DCC: variants seen among roughly 807,000 people sequenced by gnomAD.
DCC encodes the protein netrin receptor DCC.
DCC carries 58 observed loss-of-function variants against 172.5 expected under a neutral mutation model. The ratio of observed to expected loss-of-function variants is 0.34; its 90% CI spans 0.27 to 0.42. The LOEUF is 0.42. Among genes scored for constraint, DCC ranks in the 10% least tolerant of loss-of-function variants. The pLI, the probability that DCC is intolerant of heterozygous loss-of-function variation, is 1.00. For synonymous variants in DCC, 709 were observed against 644.5 expected, an observed-to-expected ratio of 1.10 and a Z score of -1.52; for missense variants, 1,740 against 1,791.0, an observed-to-expected ratio of 0.97 and a Z score of 0.51.
At chr18:53,302,165 C>A (rs1385094222) in intron 12 of DCC, among the ~76,000 whole-genome samples, 1 of 151,956 alleles carries the variant, frequency 6.6e-6, no homozygotes, top group African/African-American at 2.4e-5. Flanking sequence ...ACTTCATTAC[C>A]TCCTTCAAGG....
intron 9 of DCC, among the ~76,000 whole-genome samples, chr18:53,185,114 G>A (rs1192508432): frequency 6.6e-6 from 1 of 152,120 alleles, no homozygotes; most frequent in Non-Finnish European, 1.5e-5. Flanking sequence ...TATTTTAAAA[G>A]TCTCTGGATG....
chr18:53,044,604 A>G (rs531905116), intron 5 of DCC, among the ~76,000 whole-genome samples: 16 of 151,974 alleles, frequency 1.1e-4, no homozygotes, highest in Non-Finnish European at 2.2e-4. Flanking sequence ...TAAAGTAATA[A>G]ATACTTAAGT....
intron 1 of DCC, among the ~76,000 whole-genome samples, chr18:52,460,725 G>A (rs1001899666): frequency 2.6e-5 from 4 of 151,966 alleles, no homozygotes; most frequent in African/African-American, 9.7e-5. Context: ...GCAACAAAAT[G>A]GTGTTTGTGT....
At chr18:52,607,600 C>A (rs1446920658) in intron 1 of DCC, among the ~76,000 whole-genome samples, 1 of 152,158 alleles carries the variant, frequency 6.6e-6, no homozygotes, top group Non-Finnish European at 1.5e-5. Flanking sequence ...AAGTTTCTCA[C>A]ATCTTCTCAC....
At chr18:52,578,886 C>T (rs779782939) in intron 1 of DCC, among the ~76,000 whole-genome samples, 20 of 152,128 alleles carry the variant, frequency 1.3e-4, no homozygotes, top group South Asian at 6.2e-4. Context: ...GAGGCTGAGG[C>T]GGGAGAATGG....
intron 5 of DCC, among the ~76,000 whole-genome samples, chr18:53,032,804 G>A (rs1184079527): frequency 2.6e-5 from 4 of 151,972 alleles, no homozygotes; most frequent in African/African-American, 9.7e-5. Context: ...CTGACTGCTG[G>A]GGAAATTAGT....
intron 1 of DCC, among the ~76,000 whole-genome samples, chr18:52,614,313 A>T (rs2034335976): frequency 6.6e-6 from 1 of 152,122 alleles, no homozygotes; most frequent in Non-Finnish European, 1.5e-5. Flanking sequence ...TTCAGTAGGA[A>T]CTCTGGCTAC....
intron 1 of DCC, among the ~76,000 whole-genome samples, chr18:52,733,170 A>G (rs960744539): frequency 1.3e-5 from 2 of 152,150 alleles, no homozygotes; most frequent in Non-Finnish European, 2.9e-5. Context: ...ACTGAATGTG[A>G]TGGAGAAGGG....
intron 1 of DCC, among the ~76,000 whole-genome samples, chr18:52,641,171 G>A (rs553733235): frequency 6.6e-6 from 1 of 152,240 alleles, no homozygotes; most frequent in African/African-American, 2.4e-5. Context: ...ACATGTAGGA[G>A]AATAAAACTG....
intron 2 of DCC, among the ~76,000 whole-genome samples, chr18:52,794,349 TA>T (rs2037832194): frequency 6.6e-6 from 1 of 152,054 alleles, no homozygotes; most frequent in Admixed American, 6.5e-5. Flanking sequence ...ATTTTTTTTG[TA>T]GTTGTAGAAG....
intron 14 of DCC, among the ~76,000 whole-genome samples, chr18:53,331,741 C>G (rs538900755): frequency 6.6e-6 from 1 of 152,096 alleles, no homozygotes; most frequent in South Asian, 2.1e-4. Context: ...TAGACAGAGA[C>G]CACGCTTGTC....
intron 1 of DCC, among the ~76,000 whole-genome samples, chr18:52,427,134 A>G (rs980569592): frequency 1.3e-5 from 2 of 152,148 alleles, no homozygotes; most frequent in Admixed American, 6.6e-5. Flanking sequence ...CTAAGTACTT[A>G]CTACTGGAAG....
chr18:53,394,585 A>C (rs966191206), intron 17 of DCC, among the ~76,000 whole-genome samples: 2 of 152,110 alleles, frequency 1.3e-5, no homozygotes, highest in South Asian at 4.1e-4. Context: ...ACTAGTGCTT[A>C]CTAGATATAA....
At chr18:52,484,995 A>G (rs1209511349) in intron 1 of DCC, among the ~76,000 whole-genome samples, 1 of 152,018 alleles carries the variant, frequency 6.6e-6, no homozygotes, top group Non-Finnish European at 1.5e-5. Context: ...AGTGGTTTCA[A>G]TGTTTCTGTC....
chr18:52,506,350 T>A (rs1284244362), intron 1 of DCC, among the ~76,000 whole-genome samples: 3 of 152,120 alleles, frequency 2.0e-5, no homozygotes, highest in Non-Finnish European at 2.9e-5. Flanking sequence ...TTTTTAAAAC[T>A]ATTTAAGGTT....
intron 7 of DCC, among the ~76,000 whole-genome samples, chr18:53,143,248 A>T (rs941673513): frequency 3.3e-5 from 5 of 152,126 alleles, no homozygotes; most frequent in Admixed American, 2.0e-4. Context: ...CAACTCTATG[A>T]CTAAGATCTA....
At chr18:53,209,720 T>G (rs1352768208) in intron 11 of DCC, among the ~76,000 whole-genome samples, 4 of 152,202 alleles carry the variant, frequency 2.6e-5, no homozygotes. Flanking sequence ...GAACAGAATA[T>G]TTATTGGTAG....
chr18:53,173,419 C>G (rs1459318859), intron 8 of DCC, among the ~76,000 whole-genome samples: 2 of 152,004 alleles, frequency 1.3e-5, no homozygotes, highest in Non-Finnish European at 2.9e-5. Flanking sequence ...TTTGAGTGTA[C>G]AGTTCTATGG....
chr18:52,496,467 T>C (rs1364867641), intron 1 of DCC, among the ~76,000 whole-genome samples: 1 of 152,122 alleles, frequency 6.6e-6, no homozygotes, highest in Non-Finnish European at 1.5e-5. Context: ...GATAAAGCCT[T>C]AAAATGCCAG....
Sources: allele counts gnomAD v4.1 joint callset (sites outside exome capture counted in the v4.1 genomes callset), GRCh38; gene constraint gnomAD v4.1.1; transcripts MANE v1.5; gene names NCBI Gene and HGNC (gene_info 2026-07-23, HGNC 2026-07-21).